TNRC18: variants seen among roughly 807,000 people sequenced by gnomAD.
TNRC18 encodes the protein trinucleotide repeat containing 18.
A neutral mutation model predicts 226.7 loss-of-function variants in TNRC18; 69 were observed. That is an observed-to-expected ratio of 0.30 (90% CI 0.25 to 0.37). TNRC18 has a LOEUF of 0.37. TNRC18 is among the 10% of genes least tolerant of loss of function. The pLI is 1.00. For synonymous variants in TNRC18, 2,449 were observed against 1,927.6 expected, an observed-to-expected ratio of 1.27 and a Z score of -7.09; for missense variants, 4,754 against 4,256.6, an observed-to-expected ratio of 1.12 and a Z score of -3.25.
chr7:5,389,321 G>C lies in TNRC18; in HGVS notation c.503C>G (p.Pro168Arg). ...CAGGGAGCCCGGAGCCCCCGCGGTG[G>C]GCAGGTAGAAACCGTCTGCGGAGAA... ...QGPGGDGFYL[P>R]TAGAPGSLHS... Residue 168 changes from proline (P) to arginine (R), a missense_variant, in exon 5 of 30, where the codon CCC becomes CGC. By Grantham distance (103) the Pro-to-Arg change is moderately radical. Transcript: ENST00000430969. 1 of 1,281,204 alleles carries C rather than the reference G, an allele frequency of 7.8e-7. No individual in the cohort carries two copies. The highest frequency in any genetic ancestry group is 9.9e-7 in the Non-Finnish European group (1 of 1,014,294). The allele number at this position is 1,281,204 out of a possible 1,614,324, so 79.4% of individuals were successfully genotyped here.
chr7:5,307,569 G>C lies in TNRC18; in HGVS notation c.*537C>G, dbSNP rs764134208. 2 of 449,932 alleles carry C rather than the reference G, an allele frequency of 4.4e-6. No individual in the cohort carries two copies. Among genetic ancestry groups the C allele is most frequent in the Non-Finnish European group, 4.5e-6 (1 of 224,246 alleles). 27.9% of individuals were successfully genotyped at this position (449,932 alleles called of 1,614,324 possible). On this transcript the variant is annotated 3_prime_UTR_variant, in exon 30 of 30. Transcript: ENST00000430969. ...GTTCCCCAAGTCTAGGCCATCCTGA[G>C]AGGGTGGGGGCAGGGCCCCTGGCAC...
At position 5,324,815 on chromosome 7, in the gene TNRC18, T is replaced by G. The variant is rs1191153619; in HGVS notation, c.6300+281A>C. Among the ~76,000 whole-genome samples the G allele has an allele frequency of 2.0e-5, 3 of 152,202 alleles. No homozygotes were observed. Among genetic ancestry groups the G allele is most frequent in the Non-Finnish European group, 4.4e-5 (3 of 68,034 alleles). ...CAAGCCTGAGGGCCCTGTGAGGACC[T>G]GGTGCTGGGCTGGGGGCCTGTCACC... On this transcript the variant is annotated intron_variant, in intron 20 of 29. Transcript: ENST00000430969. The surrounding 1 kb of genome is among the most constrained non-coding windows in gnomAD (Gnocchi z 4.8).
In TNRC18 at chr7:5,394,466, T is replaced by C. The variant is rs763710042; in HGVS notation, c.317A>G (p.Gln106Arg). ...TTCATGGGCGTGGGCGGCCCACAGC[T>C]GCACCATGGGCAGGTTGCTAGGGGT... ...SPTPSNLPMVQLWAAHAHEGF... is the reference protein window; with the variant it reads ...SPTPSNLPMVRLWAAHAHEGF... The change falls in exon 3 of 30, where the codon CAG becomes CGG. Residue 106 changes from glutamine (Q) to arginine (R), a missense_variant. Coordinates refer to ENST00000430969, the MANE Select transcript of TNRC18 (RefSeq NM_001080495.3). The surrounding 1 kb of genome is among the most constrained non-coding windows in gnomAD (Gnocchi z 4.5). 5 of 1,555,578 alleles carry C rather than the reference T, an allele frequency of 3.2e-6. No homozygotes were observed. Among genetic ancestry groups the C allele is most frequent in the Non-Finnish European group, 3.5e-6 (4 of 1,150,944 alleles).
chr7:5,324,203 C>A lies in TNRC18; in HGVS notation c.6442+11G>T, dbSNP rs550428799. 1.9e-6 allele frequency: 3 copies of A among 1,591,166 alleles called. No individual in the cohort carries two copies. The highest frequency in any genetic ancestry group is 4.6e-5 in the East Asian group (2 of 43,914). ...GCCCCGCCCGGCACATGTGGCATCACGGCCACTCACCCGGGGTCAGCGGCC... is the reference window on the plus strand; with the variant it reads ...GCCCCGCCCGGCACATGTGGCATCAAGGCCACTCACCCGGGGTCAGCGGCC... On this transcript the variant is annotated intron_variant, in intron 21 of 29. Coordinates refer to ENST00000430969, the MANE Select transcript of TNRC18 (RefSeq NM_001080495.3). This position sits in a 1 kb window ranked among gnomAD's most constrained non-coding sequence, Gnocchi z 4.8.
At chr7:5,327,034 G>A (rs1157729764) in intron 19 of TNRC18, among the ~76,000 whole-genome samples, 1 of 151,774 alleles carries the variant, frequency 6.6e-6, no homozygotes, top group East Asian at 2.0e-4. Flanking sequence ...TGAGGCAGGA[G>A]AATCGCTTGA....
At chr7:5,392,973 C>A (rs373832643) in intron 3 of TNRC18, among the ~76,000 whole-genome samples, 29 of 151,874 alleles carry the variant, frequency 1.9e-4, no homozygotes, top group Middle Eastern at 3.5e-3. Flanking sequence ...GATTGCACCA[C>A]TGCACTCCAG....
chr7:5,365,340 T>TG (rs1306680343), intron 11 of TNRC18, among the ~76,000 whole-genome samples: 2 of 152,142 alleles, frequency 1.3e-5, no homozygotes, highest in East Asian at 3.9e-4. Context: ...CTTGAACTCC[T>TG]GGGCTCAAGT....
intron 10 of TNRC18, among the ~76,000 whole-genome samples, chr7:5,373,211 C>A (rs1794323505): frequency 6.6e-6 from 1 of 152,130 alleles, no homozygotes; most frequent in South Asian, 2.1e-4. Context: ...ATGGTCCCAG[C>A]TGCTTGAGAG....
At chr7:5,336,620 T>C (rs1583820178) in intron 18 of TNRC18, among the ~76,000 whole-genome samples, 1 of 152,102 alleles carries the variant, frequency 6.6e-6, no homozygotes, top group Non-Finnish European at 1.5e-5. Context: ...CATGCACCTG[T>C]GGTCCCAGCT....
At position 5,313,812 on chromosome 7, in the gene TNRC18, G is replaced by A. The variant is rs749646460; in HGVS notation, c.7079C>T (p.Thr2360Ile). ...GCTGCTCGGCTCCAGGGCTAAGGGG[G>A]TACTGGGGACCTCGTCTGTTGGGTT... ...EGNPTDEVPS[T>I]PLALEPSSTP... The change falls in exon 27 of 30, where the codon ACC (threonine) becomes ATC (isoleucine). Residue 2360 changes from threonine to isoleucine, a missense_variant. Thr to Ile is a moderately conservative substitution (Grantham distance 89). Coordinates refer to ENST00000430969, the MANE Select transcript of TNRC18 (RefSeq NM_001080495.3). 8 of 1,513,936 alleles carry A rather than the reference G, an allele frequency of 5.3e-6. No individual in the cohort carries two copies. Among genetic ancestry groups the A allele is most frequent in the East Asian group, 4.6e-5 (2 of 43,850 alleles). The allele number at this position is 1,513,936 out of a possible 1,614,324, so 93.8% of individuals were successfully genotyped here.
At chr7:5,391,471 C>A (rs1260373339) in intron 3 of TNRC18, among the ~76,000 whole-genome samples, 1 of 151,876 alleles carries the variant, frequency 6.6e-6, no homozygotes. Context: ...GCTACCACAC[C>A]CGGCTAATTT....
Position 5,421,085 on chromosome 7 carries a change from G to T in TNRC18, c.162C>A (p.Ala54=). The T allele has an allele frequency of 1.3e-6, 2 of 1,493,142 alleles. No individual in the cohort carries two copies. The allele number at this position is 1,493,142 out of a possible 1,614,324, so 92.5% of individuals were successfully genotyped here. The change falls in exon 2 of 30, where the codon GCC becomes GCA. Residue 54 remains alanine (A), a synonymous_variant. Coordinates refer to ENST00000430969, the MANE Select transcript of TNRC18 (RefSeq NM_001080495.3). ...CCGGGTGCGGATGGAGATTCAGGCC[G>T]GCCATGTACTTCCCGGGCGGCAGCG... is the stretch of plus-strand genomic sequence containing the variant. ...PGPLPPGKYM[A]GLNLHPHPGE...
intron 5 of TNRC18, among the ~76,000 whole-genome samples, chr7:5,381,349 C>A (rs1230504934): frequency 2.0e-5 from 3 of 152,100 alleles, no homozygotes; most frequent in African/African-American, 4.8e-5. Context: ...CTCGAGGATG[C>A]CCCACCCTCT....
chr7:5,412,669 T>A (rs1174563632), intron 2 of TNRC18, among the ~76,000 whole-genome samples: 1 of 152,204 alleles, frequency 6.6e-6, no homozygotes, highest in Non-Finnish European at 1.5e-5. Context: ...ACCCATTTTA[T>A]AGATGAAAAA....
Position 5,309,231 on chromosome 7 carries a change from C to G in TNRC18, c.8526G>C (p.Gln2842His), listed in dbSNP as rs759743118. 9.9e-6 allele frequency: 16 copies of G among 1,613,720 alleles called. No individual in the cohort carries two copies. Among genetic ancestry groups the G allele is most frequent in the South Asian group, 2.2e-5 (2 of 91,088 alleles). ...RPNLPYIGRI[Q>H]SMWESWGNNM... ...TGTTGCCCCACGACTCCCACATGCT[C>G]TGGATGCGGCCGATGTAGGGCAGGT... The change falls in exon 28 of 30, where the codon CAG (glutamine) becomes CAC (histidine). Residue 2842 changes from glutamine to histidine, a missense_variant. Gln to His is a conservative substitution (Grantham distance 24). Transcript: ENST00000430969. This position sits in a 1 kb window ranked among gnomAD's most constrained non-coding sequence, Gnocchi z 5.7.
chr7:5,382,469 C>T (rs973433667), intron 5 of TNRC18, among the ~76,000 whole-genome samples: 20 of 152,192 alleles, frequency 1.3e-4, no homozygotes, highest in African/African-American at 4.8e-4. Flanking sequence ...GCAGAGGCCC[C>T]GTTCCCATGG....
At chr7:5,349,515 C>T (rs1297971260) in intron 17 of TNRC18, among the ~76,000 whole-genome samples, 1 of 152,204 alleles carries the variant, frequency 6.6e-6, no homozygotes, top group East Asian at 1.9e-4. Flanking sequence ...AATGTCAGAG[C>T]GATCTGCTGC....
intron 24 of TNRC18, among the ~76,000 whole-genome samples, chr7:5,317,711 G>GT (rs34172970): frequency 0.014 from 2,007 of 143,500 alleles, 19 homozygotes; most frequent in South Asian, 0.025. Flanking sequence ...AACTCTTAAG[G>GT]TTTTTTTTTT....
chr7:5,309,230 T>C lies in TNRC18; in HGVS notation c.8527A>G (p.Ser2843Gly). ...TTGTTGCCCCACGACTCCCACATGCTCTGGATGCGGCCGATGTAGGGCAGG... is the reference window on the plus strand; with the variant it reads ...TTGTTGCCCCACGACTCCCACATGCCCTGGATGCGGCCGATGTAGGGCAGG... ...PNLPYIGRIQ[S>G]MWESWGNNMV... Residue 2843 changes from serine (S) to glycine (G), a missense_variant, in exon 28 of 30, where the codon AGC becomes GGC. Coordinates refer to ENST00000430969, the MANE Select transcript of TNRC18 (RefSeq NM_001080495.3). The surrounding 1 kb of genome is among the most constrained non-coding windows in gnomAD (Gnocchi z 5.7). 1 of 1,613,796 alleles carries C rather than the reference T, an allele frequency of 6.2e-7. No homozygotes were observed.
Sources: gnomAD v4.1 joint callset for allele counts (sites outside exome capture counted in the v4.1 genomes callset) on GRCh38, gnomAD v4.1.1 for gene constraint, Gnocchi (gnomAD v3.1) non-coding constraint, MANE v1.5 for transcripts, NCBI Gene and HGNC (gene_info 2026-07-23, HGNC 2026-07-21) for gene names.